Variants in PEX5L observed in about 807,000 individuals in gnomAD.
The protein encoded by PEX5L is peroxisomal biogenesis factor 5 like, also known as PEX5-related protein.
PEX5L carries 30 observed loss-of-function variants against 84.0 expected under a neutral mutation model. The observed-to-expected ratio is 0.36, with a 90% CI of 0.27 to 0.48. PEX5L has a LOEUF of 0.48. PEX5L is among the 20% of genes least tolerant of loss of function. PEX5L has a pLI of 0.99. For missense variants in PEX5L, 533 were observed against 754.6 expected, an observed-to-expected ratio of 0.71 and a Z score of 3.44; for synonymous variants, 270 against 283.1, an observed-to-expected ratio of 0.95 and a Z score of 0.46.
intron 1 of PEX5L, among the ~76,000 whole-genome samples, chr3:179,996,274 C>G (rs2110398163): frequency 6.6e-6 from 1 of 152,208 alleles, no homozygotes; most frequent in East Asian, 1.9e-4. Flanking sequence ...ATCTGGAGAG[C>G]AGGCATGGGA....
Position 179,796,550 on chromosome 3 carries a change from C to T in PEX5L, c.*5278G>A, listed in dbSNP as rs1475196701. 1 of 151,954 alleles carries T rather than the reference C, an allele frequency of 6.6e-6. No homozygotes were observed. The highest frequency in any genetic ancestry group is 1.5e-5 in the Non-Finnish European group (1 of 67,984). The allele number at this position is 151,954 out of a possible 1,614,324, so 9.4% of individuals were successfully genotyped here. ...TCCTCTTAACTGTTTAATGCCTCCC[C>T]ACAATCGTCTTTGCTATGTGTGTTA... On this transcript the variant is annotated 3_prime_UTR_variant, in exon 15 of 15. Transcript: ENST00000467460.
chr3:179,947,927 C>T (rs1778040715), intron 2 of PEX5L, among the ~76,000 whole-genome samples: 1 of 151,900 alleles, frequency 6.6e-6, no homozygotes, highest in Admixed American at 6.6e-5. Context: ...AGGATGGTCT[C>T]GATCTCCTGA....
At chr3:179,855,036 G>GAGTGTA (rs889252624) in intron 8 of PEX5L, among the ~76,000 whole-genome samples, 2 of 152,154 alleles carry the variant, frequency 1.3e-5, no homozygotes, top group African/African-American at 4.8e-5. Flanking sequence ...TCGGAGGAAA[G>GAGTGTA]AGTGTTCCAT....
rs769706589 is a variant in PEX5L, at chr3:179,859,125, G to A, written c.759C>T (p.Ser253=). 24 of 1,613,796 alleles carry A rather than the reference G, an allele frequency of 1.5e-5. No individual in the cohort carries two copies. The highest frequency in any genetic ancestry group is 8.3e-5 in the Admixed American group (5 of 60,014). Residue 253 remains serine (S), a synonymous_variant, in exon 8 of 15, where the codon AGC becomes AGT. Transcript: ENST00000467460. ...ARLTKEHRWG[S]ALLSRNHSLE... The stretch of plus-strand genomic sequence containing the variant: ...AGGAGTGGTTTCTAGAAAGTAATGC[G>A]CTTCCCCAGCGATGTTCTTTGGTCA...
At chr3:179,883,580 T>C (rs183925797) in intron 4 of PEX5L, among the ~76,000 whole-genome samples, 2 of 152,212 alleles carry the variant, frequency 1.3e-5, no homozygotes, top group African/African-American at 4.8e-5. Flanking sequence ...GGTCGGGAGT[T>C]CAAGGCCAGC....
intron 8 of PEX5L, among the ~76,000 whole-genome samples, chr3:179,848,585 T>C (rs1187747076): frequency 6.8e-6 from 1 of 147,974 alleles, no homozygotes; most frequent in East Asian, 2.0e-4. Flanking sequence ...GAAGAATTAA[T>C]AGCAACTTCT....
At chr3:179,924,350 G>A (rs1466337208) in intron 2 of PEX5L, among the ~76,000 whole-genome samples, 2 of 152,206 alleles carry the variant, frequency 1.3e-5, no homozygotes, top group African/African-American at 4.8e-5. Flanking sequence ...GGGGTTCAAA[G>A]CAGAGTCATC....
At chr3:179,887,857 T>C (rs903781203) in intron 3 of PEX5L, 73 bp from the exon 4 acceptor site, 1 of 981,610 alleles carries the variant, frequency 1.0e-6, no homozygotes, top group Non-Finnish European at 1.6e-6. Flanking sequence ...AATGCAGCCT[T>C]GCAACAAAAT....
At chr3:179,922,388 G>A (rs957114347) in intron 2 of PEX5L, among the ~76,000 whole-genome samples, 15 of 151,928 alleles carry the variant, frequency 9.9e-5, no homozygotes, top group African/African-American at 3.4e-4. Flanking sequence ...AATGTGCCAG[G>A]AAGATAGCTT....
At chr3:179,973,757 C>G (rs2110283199) in intron 1 of PEX5L, 1 of 985,356 alleles carries the variant, frequency 1.0e-6, no homozygotes, top group African/African-American at 1.7e-5. Flanking sequence ...AGTAAATTTT[C>G]CTGGGAAGAG....
At chr3:179,950,166 T>C (rs997019858) in intron 2 of PEX5L, among the ~76,000 whole-genome samples, 9 of 152,194 alleles carry the variant, frequency 5.9e-5, no homozygotes, top group African/African-American at 2.2e-4. Context: ...TTTTAGTCTT[T>C]CCCACTGCCC....
chr3:180,002,419 T>A (rs1435867958), intron 1 of PEX5L, among the ~76,000 whole-genome samples: 1 of 152,182 alleles, frequency 6.6e-6, no homozygotes, highest in Non-Finnish European at 1.5e-5. Flanking sequence ...TTTTTAAGTC[T>A]GATGAGTGTA....
intron 2 of PEX5L, among the ~76,000 whole-genome samples, chr3:179,944,414 C>A (rs921316495): frequency 6.6e-6 from 1 of 152,300 alleles, no homozygotes; most frequent in Middle Eastern, 3.4e-3. Flanking sequence ...GTTTCCTTAA[C>A]CTCTCAGTCT....
At chr3:180,035,986 C>T (rs1357378095) in intron 1 of PEX5L, among the ~76,000 whole-genome samples, 2 of 152,160 alleles carry the variant, frequency 1.3e-5, no homozygotes, top group East Asian at 3.8e-4. Flanking sequence ...CCGGAGGCAG[C>T]ACCTCCCCTG....
intron 1 of PEX5L, among the ~76,000 whole-genome samples, chr3:179,990,246 C>T (rs1001760628): frequency 2.6e-5 from 4 of 152,166 alleles, no homozygotes; most frequent in East Asian, 1.9e-4. Context: ...TTTCTTTGGT[C>T]GCATTTAGAA....
At chr3:179,861,754 A>G (rs1225543203) in intron 7 of PEX5L, among the ~76,000 whole-genome samples, 1 of 152,236 alleles carries the variant, frequency 6.6e-6, no homozygotes, top group African/African-American at 2.4e-5. Context: ...CAGATTTAAT[A>G]TCAGTAAATA....
rs1717192228 is a variant in PEX5L at position 179,796,910 on chromosome 3, C to T, written c.*4918G>A. 6.6e-6 allele frequency: 1 copy of T among 152,192 alleles called. No individual in the cohort carries two copies. The highest frequency in any genetic ancestry group is 2.4e-5 in the African/African-American group (1 of 41,452). The allele number at this position is 152,192 out of a possible 1,614,324, so 9.4% of individuals were successfully genotyped here. On this transcript the variant is annotated 3_prime_UTR_variant, in exon 15 of 15. Transcript: ENST00000467460. Reference sequence around the variant, plus strand: ...ATCAGAACAATGTTGTGATACCCCACACACTTGCTATGTGACATTTATGAA... The same window carrying T: ...ATCAGAACAATGTTGTGATACCCCATACACTTGCTATGTGACATTTATGAA...
intron 8 of PEX5L, among the ~76,000 whole-genome samples, chr3:179,838,343 C>G (rs79091399): frequency 0.034 from 5,210 of 152,208 alleles, 268 homozygotes; most frequent in African/African-American, 0.11. Flanking sequence ...CTTGGTTGTA[C>G]TGGGCTGCCT....
At chr3:179,924,841 A>G (rs1440117750) in intron 2 of PEX5L, among the ~76,000 whole-genome samples, 2 of 151,034 alleles carry the variant, frequency 1.3e-5, no homozygotes, top group Non-Finnish European at 3.0e-5. Flanking sequence ...TATGTTGCAC[A>G]TAAGAGAAAA....
Sources: gnomAD v4.1 joint callset for allele counts (sites outside exome capture counted in the v4.1 genomes callset) on GRCh38, gnomAD v4.1.1 for gene constraint, MANE v1.5 for transcripts, NCBI Gene and HGNC (gene_info 2026-07-23, HGNC 2026-07-21) for gene names.